FOXP1: variants seen among roughly 807,000 people sequenced by gnomAD.
FOXP1 encodes forkhead box P1.
A neutral mutation model predicts 98.2 loss-of-function variants in FOXP1; 15 were observed. The ratio of observed to expected loss-of-function variants is 0.15; its 90% confidence interval spans 0.10 to 0.24. The LOEUF is 0.24. Ranked by LOEUF, FOXP1 falls within the 10% of genes least tolerant of loss-of-function variation. The pLI, the probability that FOXP1 is intolerant of heterozygous loss-of-function variation, is 1.00. For missense variants in FOXP1, 633 were observed against 848.5 expected (o/e 0.75, Z 3.15); for synonymous variants, 371 against 314.5 (o/e 1.18, Z -1.90).
intron 4 of FOXP1, among the ~76,000 whole-genome samples, chr3:71,306,564 C>CAT (rs200872860): frequency 1.1e-4 from 14 of 126,852 alleles, no homozygotes; most frequent in Non-Finnish European, 1.7e-4. Flanking sequence ...TATACACACA[C>CAT]ATATATATAT....
chr3:71,124,661 A>AG (rs2059030493), intron 6 of FOXP1, among the ~76,000 whole-genome samples: 1 of 151,754 alleles, frequency 6.6e-6, no homozygotes, highest in Admixed American at 6.6e-5. Context: ...AAAAGAAAAA[A>AG]AAAAGAGAAA....
intron 7 of FOXP1, among the ~76,000 whole-genome samples, chr3:71,054,721 T>C (rs2050379313): frequency 6.6e-6 from 1 of 152,070 alleles, no homozygotes; most frequent in Non-Finnish European, 1.5e-5. Context: ...AAGAAGACTA[T>C]TTCATGAAAA....
In FOXP1 at chr3:70,957,525, GAA is replaced by G. The variant is rs957145449; in HGVS notation, c.*1720_*1721del. ...TTGTGTAATATCTTTGGTAATTTTA[GAA>G]AAAAGGTACAAAGAAAGAATATAAA... On this transcript the variant is annotated 3_prime_UTR_variant, in exon 21 of 21. Transcript: ENST00000649528. 1 of 230,778 alleles carries G rather than the reference GAA, an allele frequency of 4.3e-6. No homozygotes were observed. The highest frequency in any genetic ancestry group is 8.6e-6 in the Non-Finnish European group (1 of 116,482). 14.3% of individuals were successfully genotyped at this position (230,778 alleles called of 1,614,324 possible).
At position 71,233,075 on chromosome 3, in the gene FOXP1, G is replaced by T. The variant is rs1576501977; in HGVS notation, c.-11-34683C>A. Among the ~76,000 whole-genome samples the T allele has an allele frequency of 4.6e-5, 7 of 151,740 alleles. 1 individual carries two copies. The South Asian group carries it at 1.5e-3, about 32-fold the overall frequency. ...CAGGAGGATCGTTTGAACCCAGGAG[G>T]TTGGGGCTGCAGTGAGCTATGATTG... On this transcript the variant is annotated intron_variant, in intron 5 of 20. Transcript: ENST00000649528.
intron 6 of FOXP1, among the ~76,000 whole-genome samples, chr3:71,189,406 A>G (rs984628384): frequency 4.6e-5 from 7 of 152,244 alleles, no homozygotes; most frequent in Non-Finnish European, 1.0e-4. Context: ...AATGGAAAAT[A>G]CTTGATAATT....
intron 3 of FOXP1, among the ~76,000 whole-genome samples, chr3:71,443,174 G>A (rs964329417): frequency 4.5e-4 from 68 of 152,274 alleles, no homozygotes; most frequent in African/African-American, 1.4e-3. Flanking sequence ...AATCACAGGC[G>A]TGAGCCACCA....
At position 71,546,307 on chromosome 3, in the gene FOXP1, G is replaced by A. The variant is rs574626432; in HGVS notation, c.-298+35242C>T. ...AGCCAAGGCTAAAGTTAACATTCAC[G>A]AAATACACCTGGCTAATCTTGTAAA... On this transcript the variant is annotated intron_variant, in intron 2 of 20. Coordinates refer to ENST00000649528, the MANE Select transcript of FOXP1 (RefSeq NM_001349338.3). Among the ~76,000 whole-genome samples the A allele has an allele frequency of 1.5e-4, 23 of 152,266 alleles. No individual in the cohort carries two copies. In the South Asian group the frequency reaches 4.6e-3, roughly 30 times the overall value.
intron 12 of FOXP1, among the ~76,000 whole-genome samples, chr3:71,009,667 G>A (rs147880135): frequency 2.0e-5 from 3 of 152,118 alleles, no homozygotes; most frequent in African/African-American, 7.2e-5. Flanking sequence ...ATATATCTAA[G>A]TAGGTTAAGA....
chr3:71,553,652 G>C (rs1419472917), intron 2 of FOXP1, among the ~76,000 whole-genome samples: 1 of 152,124 alleles, frequency 6.6e-6, no homozygotes, highest in Non-Finnish European at 1.5e-5. Context: ...CATTCTTTGA[G>C]TTATTAAAAT....
intron 3 of FOXP1, among the ~76,000 whole-genome samples, chr3:71,466,029 C>T (rs778087780): frequency 1.6e-4 from 25 of 152,158 alleles, no homozygotes; most frequent in Non-Finnish European, 3.5e-4. Context: ...TGAAACAAGT[C>T]CCCGGTGCCA....
chr3:71,363,477 CACA>C (rs1421276491), intron 3 of FOXP1, among the ~76,000 whole-genome samples: 1 of 152,204 alleles, frequency 6.6e-6, no homozygotes, highest in Non-Finnish European at 1.5e-5. Flanking sequence ...CTAAATGGCA[CACA>C]ACATGTGGGA....
At chr3:71,387,997 G>A (rs1202361635) in intron 3 of FOXP1, among the ~76,000 whole-genome samples, 3 of 152,190 alleles carry the variant, frequency 2.0e-5, no homozygotes, top group East Asian at 3.8e-4. Flanking sequence ...CTGTTTCTAT[G>A]CATTACCCAT....
At chr3:71,413,596 T>C (rs2108288193) in intron 3 of FOXP1, among the ~76,000 whole-genome samples, 1 of 152,324 alleles carries the variant, frequency 6.6e-6, no homozygotes, top group African/African-American at 2.4e-5. Context: ...ACCTGCCTCT[T>C]AGATGTTGCC....
intron 6 of FOXP1, among the ~76,000 whole-genome samples, chr3:71,153,880 G>A (rs1000298261): frequency 6.6e-6 from 1 of 151,958 alleles, no homozygotes; most frequent in African/African-American, 2.4e-5. Flanking sequence ...TCAGAGGTAC[G>A]GCAATAAACA....
chr3:71,236,923 T>TA (rs1259466616), intron 5 of FOXP1, among the ~76,000 whole-genome samples: 1 of 150,056 alleles, frequency 6.7e-6, no homozygotes. Flanking sequence ...AAAAAAGAAG[T>TA]AGTGAAACTG....
chr3:71,581,981 A>T, intron 1 of FOXP1: 2 of 621,746 alleles, frequency 3.2e-6, no homozygotes, highest in Non-Finnish European at 3.8e-6. Flanking sequence ...AATAGGGAGA[A>T]GGGGGTGGGA....
At chr3:71,213,880 T>G (rs1348419619) in intron 5 of FOXP1, among the ~76,000 whole-genome samples, 1 of 152,096 alleles carries the variant, frequency 6.6e-6, no homozygotes, top group African/African-American at 2.4e-5. Context: ...TACAAACACA[T>G]AAAAATGGTA....
At chr3:71,025,685 T>C (rs968382166) in intron 11 of FOXP1, among the ~76,000 whole-genome samples, 21 of 152,208 alleles carry the variant, frequency 1.4e-4, no homozygotes, top group East Asian at 1.9e-4. Flanking sequence ...AAAAGGTCAC[T>C]TTCTGTTTCT....
chr3:71,540,412 C>T (rs1335061969), intron 2 of FOXP1, among the ~76,000 whole-genome samples: 1 of 152,188 alleles, frequency 6.6e-6, no homozygotes, highest in African/African-American at 2.4e-5. Flanking sequence ...GGGTGAGAAA[C>T]ACAAACCAAT....
Sources: gnomAD v4.1 joint callset for allele counts (sites outside exome capture counted in the v4.1 genomes callset) on GRCh38, gnomAD v4.1.1 for gene constraint, MANE v1.5 for transcripts, NCBI Gene and HGNC (gene_info 2026-07-23, HGNC 2026-07-21) for gene names.